LDHAL6A: variants seen among roughly 807,000 people sequenced by gnomAD.
The protein encoded by LDHAL6A is lactate dehydrogenase A like 6A.
In LDHAL6A, 19 loss-of-function variants were observed where a neutral mutation model predicts 28.2. The ratio of observed to expected loss-of-function variants is 0.67; its 90% confidence interval spans 0.47 to 0.99. The LOEUF is 0.99. LDHAL6A is among the 50% of genes least tolerant of loss of function. The probability of loss-of-function intolerance (pLI) is 0.00; values close to 1 mark genes in which losing one functional copy is unlikely to be tolerated. For missense variants in LDHAL6A, 372 were observed against 398.6 expected (o/e 0.93, Z 0.57); for synonymous variants, 144 against 134.4 (o/e 1.07, Z -0.49).
At chr11:18,464,758 TTC>T (rs1037042609) in intron 2 of LDHAL6A, among the ~76,000 whole-genome samples, 2 of 151,358 alleles carry the variant, frequency 1.3e-5, no homozygotes, top group African/African-American at 4.9e-5. Context: ...TTGAACTCAG[TTC>T]TGTTTGATTC....
chr11:18,459,453 G>A (rs1455967150), intron 1 of LDHAL6A, among the ~76,000 whole-genome samples: 2 of 152,200 alleles, frequency 1.3e-5, no homozygotes, highest in Admixed American at 6.5e-5. Context: ...TACTTTTGAG[G>A]TTTTGGGACT....
At chr11:18,469,004 C>T (rs1849193288) in intron 3 of LDHAL6A, 1 of 397,158 alleles carries the variant, frequency 2.5e-6, no homozygotes, top group Non-Finnish European at 4.4e-6. Context: ...CAAGGAAGCA[C>T]ACTGAAAATA....
intron 1 of LDHAL6A, 52 bp from the exon 2 acceptor site, chr11:18,463,909 C>G (rs1848984438): frequency 8.8e-7 from 1 of 1,131,306 alleles, no homozygotes; most frequent in African/African-American, 1.5e-5. Flanking sequence ...CTTTCATTCT[C>G]CAGTTAATCA....
In LDHAL6A at chr11:18,478,949, T is replaced by C. The variant is rs190066498; in HGVS notation, c.*79T>C. ...GTATATGTCAAACTTTTGAATAAAT[T>C]TGAATTTCTAAAAGTTGGAAAAATA... On this transcript the variant is annotated 3_prime_UTR_variant, in exon 7 of 7. Transcript: ENST00000280706. 383 of 1,251,388 alleles carry C rather than the reference T, an allele frequency of 3.1e-4. No homozygotes were observed. The African/African-American group carries it at 4.8e-3, about 16-fold the overall frequency. The allele number at this position is 1,251,388 out of a possible 1,614,324, so 77.5% of individuals were successfully genotyped here. A position where few individuals can be genotyped will look rare whatever the true frequency, so the allele number is the denominator to read the frequency against.
At position 18,467,930 on chromosome 11, in the gene LDHAL6A, TATATATACAC is replaced by T. The variant is rs1849130169; in HGVS notation, c.418+2122_418+2131del. Among the ~76,000 whole-genome samples the T allele has an allele frequency of 5.2e-5, 4 of 77,530 alleles. 1 individual carries two copies. Among genetic ancestry groups the T allele is most frequent in the African/African-American group, 2.1e-4 (4 of 18,754 alleles). 50.9% of individuals were successfully genotyped at this position (77,530 alleles called of 152,430 possible). A position where few individuals can be genotyped will look rare whatever the true frequency, so the allele number is the denominator to read the frequency against. Reference sequence around the variant, plus strand: ...ATATATATATATATACACACACATATATATATACACACACATATATATATACGTATATATA... The same window carrying T: ...ATATATATATATATACACACACATATACACATATATATATACGTATATATA... On this transcript the variant is annotated intron_variant, in intron 3 of 6. Coordinates refer to ENST00000280706, the MANE Select transcript of LDHAL6A (RefSeq NM_144972.5).
chr11:18,477,603 G>A lies in LDHAL6A; in HGVS notation c.711-17G>A. 2 of 1,583,668 alleles carry A rather than the reference G, an allele frequency of 1.3e-6. No individual in the cohort carries two copies. The highest frequency in any genetic ancestry group is 1.2e-5 in the South Asian group (1 of 85,608). ...AAGTGCATCTTAACTTATGTTTATG[G>A]TTTCTTCTATCTACAGTGGCTATGA... On this transcript the variant is annotated splice_polypyrimidine_tract_variant and intron_variant, in intron 5 of 6. Coordinates refer to ENST00000280706, the MANE Select transcript of LDHAL6A (RefSeq NM_144972.5).
At chr11:18,477,891 T>C (rs1486653522) in intron 6 of LDHAL6A, 148 bp downstream of exon 6, 1 of 659,352 alleles carries the variant, frequency 1.5e-6, no homozygotes, top group East Asian at 3.0e-5. Flanking sequence ...AGTGGGGAGA[T>C]TGGGGAAAGA....
intron 1 of LDHAL6A, among the ~76,000 whole-genome samples, chr11:18,462,771 G>A (rs1056074152): frequency 4.7e-4 from 71 of 150,706 alleles, no homozygotes; most frequent in Non-Finnish European, 8.7e-4. Flanking sequence ...AAGCGGAGGT[G>A]GCAGTGAGCC....
At chr11:18,466,636 A>G (rs1849081423) in intron 3 of LDHAL6A, among the ~76,000 whole-genome samples, 1 of 143,022 alleles carries the variant, frequency 7.0e-6, no homozygotes, top group South Asian at 2.3e-4. Context: ...CCTGGGTCAC[A>G]GTGAGACCCT....
chr11:18,458,661 T>G, intron 1 of LDHAL6A, among the ~76,000 whole-genome samples: 1 of 152,216 alleles, frequency 6.6e-6, no homozygotes, highest in East Asian at 1.9e-4. Context: ...TCAATATGAA[T>G]TGTTCAGGAA....
chr11:18,460,308 G>A (rs547070930), intron 1 of LDHAL6A, among the ~76,000 whole-genome samples: 16 of 151,940 alleles, frequency 1.1e-4, no homozygotes, highest in African/African-American at 2.4e-4. Flanking sequence ...AATTGGCTAG[G>A]TGGCCGGGCA....
At chr11:18,475,134 C>T (rs780046208) in intron 3 of LDHAL6A, 19 of 203,056 alleles carry the variant, frequency 9.4e-5, no homozygotes, top group Non-Finnish European at 1.5e-4. Flanking sequence ...CTTAACTATG[C>T]TTTTTGTTGA....
chr11:18,472,180 A>G (rs964582173), intron 3 of LDHAL6A, among the ~76,000 whole-genome samples: 1 of 152,156 alleles, frequency 6.6e-6, no homozygotes, highest in African/African-American at 2.4e-5. Flanking sequence ...GAGGTCCCCC[A>G]ATCCCCTTGA....
At chr11:18,477,445 C>T (rs1393192281) in intron 5 of LDHAL6A, among the ~76,000 whole-genome samples, 175 bp from the exon 6 acceptor site, 2 of 144,212 alleles carry the variant, frequency 1.4e-5, no homozygotes, top group Non-Finnish European at 3.0e-5. Context: ...GGTGACAGAG[C>T]AAGACTTAAA....
rs1313317016 is a variant in LDHAL6A at position 18,467,899 on chromosome 11, A to G, written c.418+2089A>G. ...TACACACATATATATATATATATATATATATATATATATATATATACACAC... is the reference window on the plus strand; with the variant it reads ...TACACACATATATATATATATATATGTATATATATATATATATATACACAC... On this transcript the variant is annotated intron_variant, in intron 3 of 6. Transcript: ENST00000280706. 1.8e-4 allele frequency among the ~76,000 whole-genome samples: 13 copies of G among 71,272 alleles called. 1 individual carries two copies. Among genetic ancestry groups the G allele is most frequent in the African/African-American group, 7.4e-4 (10 of 13,482 alleles). The allele number at this position is 71,272 out of a possible 152,430, so 46.8% of individuals were successfully genotyped here. A position where few individuals can be genotyped will look rare whatever the true frequency, so the allele number is the denominator to read the frequency against.
At chr11:18,475,676 A>G (rs1160719048) in intron 4 of LDHAL6A, 37 bp downstream of exon 4, 1 of 1,560,010 alleles carries the variant, frequency 6.4e-7, no homozygotes, top group Non-Finnish European at 8.7e-7. Flanking sequence ...TGAAATATCT[A>G]TTTCCTATCA....
intron 3 of LDHAL6A, among the ~76,000 whole-genome samples, chr11:18,466,024 T>C (rs1439211118): frequency 6.6e-6 from 1 of 152,184 alleles, no homozygotes; most frequent in Non-Finnish European, 1.5e-5. Context: ...CATCTTTATG[T>C]CCATGTGCAC....
Position 18,476,511 on chromosome 11 carries a change from TA to T in LDHAL6A, c.710+11del. Reference sequence around the variant, plus strand: ...AAAAAGTGATTTCCAGGTAATATGCTAGTTTCACATTTTCAGTACCTTAGAA... The same window carrying T: ...AAAAAGTGATTTCCAGGTAATATGCTGTTTCACATTTTCAGTACCTTAGAA... On this transcript the variant is annotated intron_variant, in intron 5 of 6. Coordinates refer to ENST00000280706, the MANE Select transcript of LDHAL6A (RefSeq NM_144972.5). The T allele has an allele frequency of 3.1e-6, 5 of 1,612,812 alleles. No homozygotes were observed. The highest frequency in any genetic ancestry group is 4.2e-6 in the Non-Finnish European group (5 of 1,179,370).
intron 1 of LDHAL6A, among the ~76,000 whole-genome samples, chr11:18,463,239 A>G (rs76597638): frequency 0.096 from 14,575 of 152,130 alleles, 816 homozygotes; most frequent in Admixed American, 0.14. Context: ...GGATTAATCT[A>G]TGGATGAATG....
Sources: allele counts gnomAD v4.1 joint callset (sites outside exome capture counted in the v4.1 genomes callset), GRCh38; gene constraint gnomAD v4.1.1; transcripts MANE v1.5; gene names NCBI Gene and HGNC (gene_info 2026-07-23, HGNC 2026-07-21).